The following SCAPER variants were observed in gnomAD, a reference collection of about 807,000 sequenced individuals.
SCAPER encodes the protein S-phase cyclin A associated protein in the ER, also known as S phase cyclin A-associated protein in the endoplasmic reticulum.
In SCAPER, 98 loss-of-function variants were observed where a neutral mutation model predicts 182.2. That is an observed-to-expected ratio of 0.54 (90% CI 0.46 to 0.64). The LOEUF is 0.64. Among genes scored for constraint, SCAPER ranks in the 30% least tolerant of loss-of-function variants. SCAPER has a pLI of 0.00. For missense variants in SCAPER, 1,432 were observed against 1,690.0 expected, an observed-to-expected ratio of 0.85 and a Z score of 2.68; for synonymous variants, 605 against 564.6, an observed-to-expected ratio of 1.07 and a Z score of -1.01.
At chr15:76,387,007 G>A (rs1425945814) in intron 27 of SCAPER, among the ~76,000 whole-genome samples, 2 of 152,204 alleles carry the variant, frequency 1.3e-5, no homozygotes, top group East Asian at 3.8e-4. Flanking sequence ...CAACTAGGAG[G>A]CTGCTTTAAT....
At chr15:76,572,071 A>C (rs1338214538) in intron 23 of SCAPER, among the ~76,000 whole-genome samples, 1 of 152,186 alleles carries the variant, frequency 6.6e-6, no homozygotes, top group African/African-American at 2.4e-5. Context: ...GGAGCCAGAC[A>C]ACATTTTTCT....
At chr15:76,741,144 T>C (rs1436885149) in intron 15 of SCAPER, among the ~76,000 whole-genome samples, 1 of 152,266 alleles carries the variant, frequency 6.6e-6, no homozygotes, top group Non-Finnish European at 1.5e-5. Context: ...TAAAGATTAA[T>C]ACATCTTACT....
intron 26 of SCAPER, among the ~76,000 whole-genome samples, chr15:76,409,746 T>C (rs1181911875): frequency 6.6e-6 from 1 of 152,176 alleles, no homozygotes; most frequent in Non-Finnish European, 1.5e-5. Flanking sequence ...TGCAATTCCA[T>C]GGTTTCAACT....
At chr15:76,830,323 C>T (rs763978424) in intron 5 of SCAPER, among the ~76,000 whole-genome samples, 1 of 152,034 alleles carries the variant, frequency 6.6e-6, no homozygotes, top group African/African-American at 2.4e-5. Flanking sequence ...AAAGAAAAAC[C>T]GTTGAACAAC....
intron 10 of SCAPER, among the ~76,000 whole-genome samples, chr15:76,769,778 T>C (rs1037096516): frequency 1.3e-5 from 2 of 152,158 alleles, no homozygotes; most frequent in Non-Finnish European, 2.9e-5. Flanking sequence ...AGTTCAACTA[T>C]TGTGGAAGAC....
chr15:76,589,842 G>A (rs868652201), intron 22 of SCAPER, among the ~76,000 whole-genome samples: 3 of 152,186 alleles, frequency 2.0e-5, no homozygotes, highest in African/African-American at 4.8e-5. Flanking sequence ...GGGATGCAGA[G>A]AGCCCACAGG....
chr15:76,625,885 G>A (rs911528875), intron 21 of SCAPER, among the ~76,000 whole-genome samples: 2 of 152,048 alleles, frequency 1.3e-5, no homozygotes, highest in Admixed American at 1.3e-4. Flanking sequence ...CTCCTATCTG[G>A]CTTTAGGTCA....
chr15:76,495,991 GAGACACACACACACACACACACACACAC>G (rs1414608078), intron 24 of SCAPER, among the ~76,000 whole-genome samples: 2 of 100,974 alleles, frequency 2.0e-5, no homozygotes, highest in South Asian at 4.2e-4. Context: ...GCAAAAGAGA[GAGACACACACACACACACACACACACAC>G]ACACACACAC....
chr15:76,871,253 CA>C (rs1328569449), intron 2 of SCAPER, among the ~76,000 whole-genome samples: 1 of 151,472 alleles, frequency 6.6e-6, no homozygotes, highest in African/African-American at 2.4e-5. Flanking sequence ...ACTGAAAATA[CA>C]AAAAATTAAC....
rs958457500 is a variant in SCAPER, at chr15:76,374,554, C to G, written c.3855+1608G>C. 2.0e-5 allele frequency among the ~76,000 whole-genome samples: 3 copies of G among 148,910 alleles called. No homozygotes were observed. The East Asian group carries it at 6.1e-4, about 30-fold the overall frequency. On this transcript the variant is annotated intron_variant, in intron 29 of 31. Coordinates refer to ENST00000563290, the MANE Select transcript of SCAPER (RefSeq NM_020843.4). ...CTGGAGAGCAATGGCGCGATCTCGG[C>G]TCATCGCAACCTCTGCCTCCTGGTT...
chr15:76,870,693 A>T (rs1346271891), intron 2 of SCAPER, among the ~76,000 whole-genome samples: 2 of 151,800 alleles, frequency 1.3e-5, no homozygotes, highest in African/African-American at 2.4e-5. Flanking sequence ...ATGAAAACAT[A>T]AAAAAAATAG....
At chr15:76,794,189 C>T (rs2065175627) in intron 8 of SCAPER, among the ~76,000 whole-genome samples, 1 of 152,092 alleles carries the variant, frequency 6.6e-6, no homozygotes, top group South Asian at 2.1e-4. Context: ...TAAGAGTTAC[C>T]ATAAGTATAG....
chr15:76,790,000 G>A (rs566715395), intron 8 of SCAPER, among the ~76,000 whole-genome samples: 93 of 152,132 alleles, frequency 6.1e-4, no homozygotes, highest in South Asian at 4.6e-3. Context: ...AGGCTGAGGC[G>A]GGCGGATCAC....
chr15:76,466,431 T>TTTTTTTTTTTTG, intron 25 of SCAPER, among the ~76,000 whole-genome samples: 2 of 140,716 alleles, frequency 1.4e-5, no homozygotes, highest in African/African-American at 2.5e-5. Context: ...TTTTTTTTTT[T>TTTTTTTTTTTTG]TTTTTTTTTT....
chr15:76,529,490 C>A (rs2043458490), intron 23 of SCAPER, among the ~76,000 whole-genome samples: 1 of 152,170 alleles, frequency 6.6e-6, no homozygotes, highest in Non-Finnish European at 1.5e-5. Flanking sequence ...CAGATGTAGT[C>A]CTTTATTACC....
chr15:76,888,222 G>A (rs1047204203), intron 1 of SCAPER, among the ~76,000 whole-genome samples: 2 of 152,198 alleles, frequency 1.3e-5, no homozygotes, highest in African/African-American at 4.8e-5. Flanking sequence ...AAGATGGGGA[G>A]AAACCAGAGC....
chr15:76,760,428 A>G (rs2062706728), intron 14 of SCAPER, among the ~76,000 whole-genome samples: 1 of 152,244 alleles, frequency 6.6e-6, no homozygotes, highest in African/African-American at 2.4e-5. Context: ...TGAAGAAGGG[A>G]CACGAAACTT....
At chr15:76,348,798 A>G (rs2040338410) in intron 31 of SCAPER, 62 bp from the exon 32 acceptor site, 1 of 1,022,770 alleles carries the variant, frequency 9.8e-7, no homozygotes, top group African/African-American at 1.6e-5. Flanking sequence ...TTGAAGATTC[A>G]TAAATTAAAC....
chr15:76,577,797 A>T (rs925120360), intron 22 of SCAPER, among the ~76,000 whole-genome samples: 6 of 151,846 alleles, frequency 4.0e-5, no homozygotes, highest in African/African-American at 1.5e-4. Flanking sequence ...CTACGGGGAG[A>T]GACTCCTTCT....
Sources: gnomAD v4.1 joint callset for allele counts (sites outside exome capture counted in the v4.1 genomes callset) on GRCh38, gnomAD v4.1.1 for gene constraint, MANE v1.5 for transcripts, NCBI Gene and HGNC (gene_info 2026-07-23, HGNC 2026-07-21) for gene names.